TSC1: variants seen among roughly 807,000 people sequenced by gnomAD.
TSC1 encodes TSC complex subunit 1.
In TSC1, 20 loss-of-function variants were observed where a neutral mutation model predicts 124.3. The observed-to-expected ratio is 0.16, with a 90% CI of 0.11 to 0.23. The LOEUF (loss-of-function observed/expected upper bound fraction) is 0.23, where lower values mean the gene tolerates loss of function less well. TSC1 is among the 10% of genes least tolerant of loss of function. The probability of loss-of-function intolerance (pLI) is 1.00; values close to 1 mark genes in which losing one functional copy is unlikely to be tolerated. For missense variants in TSC1, 1,124 were observed against 1,448.5 expected, an observed-to-expected ratio of 0.78 and a Z score of 3.64; for synonymous variants, 493 against 539.1, an observed-to-expected ratio of 0.91 and a Z score of 1.19.
chr9:132,925,532 T>C (rs1020706835), intron 5 of TSC1, 55 bp downstream of exon 5: 2 of 1,610,236 alleles, frequency 1.2e-6, no homozygotes, highest in East Asian at 4.5e-5. Flanking sequence ...TTGCCTAAAA[T>C]TTCAGAAACT....
chr9:132,912,748 A>G (rs1255337772), intron 8 of TSC1: 8 of 417,666 alleles, frequency 1.9e-5, no homozygotes, highest in Non-Finnish European at 3.6e-5. Context: ...AACATAAGCT[A>G]TGCAGCAGAG....
At position 132,897,717 on chromosome 9, in the gene TSC1, A is replaced by C. The variant is rs1051295591; in HGVS notation, c.2626-107T>G. 6 of 1,430,590 alleles carry C rather than the reference A, an allele frequency of 4.2e-6. No individual in the cohort carries two copies. In the African/African-American group the frequency reaches 8.7e-5, roughly 21 times the overall value. The allele number at this position is 1,430,590 out of a possible 1,614,324, so 88.6% of individuals were successfully genotyped here. ...AGAAGGACTGAGAAGGCATTTTAGT[A>C]TACTGATAACAGAAATATAAACTAG... On this transcript the variant is annotated intron_variant, in intron 20 of 22. Transcript: ENST00000298552.
intron 8 of TSC1, among the ~76,000 whole-genome samples, chr9:132,918,697 G>T (rs1474563344): frequency 6.6e-6 from 1 of 152,050 alleles, no homozygotes; most frequent in Non-Finnish European, 1.5e-5. Flanking sequence ...CTGAAAATCA[G>T]AAGACTACTT....
intron 1 of TSC1, among the ~76,000 whole-genome samples, chr9:132,937,177 C>T (rs1223156764): frequency 2.0e-5 from 3 of 152,242 alleles, no homozygotes. Flanking sequence ...GGTGTGGTGG[C>T]TCACGCCTGT....
intron 20 of TSC1, chr9:132,900,424 C>A: frequency 2.4e-6 from 1 of 424,130 alleles, no homozygotes. Flanking sequence ...TTTCTCTCTC[C>A]CTCTTTGAAA....
At chr9:132,898,927 T>C (rs991980500) in intron 20 of TSC1, 2 of 152,392 alleles carry the variant, frequency 1.3e-5, no homozygotes, top group Admixed American at 6.6e-5. Flanking sequence ...AGGTTTTCTT[T>C]TCCTTTTCTT....
At chr9:132,905,214 G>C (rs1845588824) in intron 15 of TSC1, among the ~76,000 whole-genome samples, 1 of 152,106 alleles carries the variant, frequency 6.6e-6, no homozygotes, top group South Asian at 2.1e-4. Flanking sequence ...GCTAGAGAGG[G>C]AAACACTGTG....
rs767597031 is a variant in TSC1 at position 132,903,154 on chromosome 9, C to T, written c.2209-367G>A. On this transcript the variant is annotated intron_variant, in intron 17 of 22. Coordinates refer to ENST00000298552, the MANE Select transcript of TSC1 (RefSeq NM_000368.5). The surrounding 1 kb of genome is among the most constrained non-coding windows in gnomAD (Gnocchi z 5.9). Reference sequence around the variant, plus strand: ...TGCTGGGCGCTCAGCAAGGGCTTACCGACATAATTTCTTTTAACCATCACA... The same window carrying T: ...TGCTGGGCGCTCAGCAAGGGCTTACTGACATAATTTCTTTTAACCATCACA... Among the ~76,000 whole-genome samples the T allele has an allele frequency of 2.0e-5, 3 of 152,124 alleles. No homozygotes were observed. The highest frequency in any genetic ancestry group is 2.9e-5 in the Non-Finnish European group (2 of 68,006).
In TSC1 at chr9:132,896,683, C is replaced by T. The variant is rs1313165721; in HGVS notation, c.3047G>A (p.Gly1016Asp). 2.5e-6 allele frequency: 4 copies of T among 1,613,894 alleles called. No homozygotes were observed. Among genetic ancestry groups the T allele is most frequent in the Middle Eastern group, 3.3e-4 (2 of 6,084 alleles). The change falls in exon 23 of 23, where the codon GGT becomes GAT. Residue 1016 changes from glycine (G) to aspartate (D), a missense_variant. Physicochemically the swap from Gly to Asp is moderately conservative, Grantham distance 94. This residue lies in a region of TSC1 where 325 missense variants were observed against 383.4 expected (regional missense o/e 0.85). Coordinates refer to ENST00000298552, the MANE Select transcript of TSC1 (RefSeq NM_000368.5). The surrounding 1 kb of genome is among the most constrained non-coding windows in gnomAD (Gnocchi z 4.5). Reference sequence around the variant, plus strand: ...GCTGGGCCTGGGGGTCTTGGTCTCACCGTTGTGGCCAGATGCCTCTTCATT... The same window carrying T: ...GCTGGGCCTGGGGGTCTTGGTCTCATCGTTGTGGCCAGATGCCTCTTCATT... Reference protein sequence around the residue: ...GHNEEASGHNGETKTPRPSSA... With the variant: ...GHNEEASGHNDETKTPRPSSA...
chr9:132,911,912 C>T lies in TSC1; in HGVS notation c.914-344G>A, dbSNP rs544144830. ...ATATGAATCCAATTCTAAATTGTTCCGACTCATTCAAACTGTGTCAGTGCT... is the reference window on the plus strand; with the variant it reads ...ATATGAATCCAATTCTAAATTGTTCTGACTCATTCAAACTGTGTCAGTGCT... On this transcript the variant is annotated intron_variant, in intron 9 of 22. Transcript: ENST00000298552. Among the ~76,000 whole-genome samples, 7 of 152,254 alleles carry T rather than the reference C, an allele frequency of 4.6e-5. No homozygotes were observed. The East Asian group carries it at 5.8e-4, about 13-fold the overall frequency.
Position 132,903,741 on chromosome 9 carries a change from A to G in TSC1, c.2118T>C (p.Arg706=), listed in dbSNP as rs2131766639. Residue 706 remains arginine (R), a synonymous_variant, in exon 17 of 23, where the codon CGT becomes CGC. Transcript: ENST00000298552. This position sits in a 1 kb window ranked among gnomAD's most constrained non-coding sequence, Gnocchi z 5.9. ...LLLHNQLLYE[R]FKRQQHALRN... ...GGAGGGCATGCTGCTGCCTCTTAAA[A>G]CGCTCATAGAGTAACTGGTTGTGCA... 1.2e-6 allele frequency: 2 copies of G among 1,612,554 alleles called. No individual in the cohort carries two copies. The highest frequency in any genetic ancestry group is 1.7e-6 in the Non-Finnish European group (2 of 1,179,866).
At chr9:132,914,332 A>C (rs1266520115) in intron 8 of TSC1, among the ~76,000 whole-genome samples, 1 of 152,218 alleles carries the variant, frequency 6.6e-6, no homozygotes, top group Non-Finnish European at 1.5e-5. Flanking sequence ...GAAGAAAGGA[A>C]ATAACCCAAA....
rs1474530013 is a variant in TSC1 at position 132,911,011 on chromosome 9, C to T, written c.1132G>A (p.Gly378Ser). The part of the protein sequence containing the change: ...DLSHPYSKVF[G>S]TTAGGKGTPL... Reference sequence around the variant, plus strand: ...CCTAAGACATACATACCAGTTGTACCAAAGACTTTACTGTAAGGGTGTGAC... The same window carrying T: ...CCTAAGACATACATACCAGTTGTACTAAAGACTTTACTGTAAGGGTGTGAC... Residue 378 changes from glycine (G) to serine (S), a missense_variant, in exon 11 of 23, where the codon GGT (glycine) becomes AGT (serine). Physicochemically the swap from Gly to Ser is moderately conservative, Grantham distance 56. This residue lies in a region of TSC1 where 463 missense variants were observed against 606.8 expected (regional missense o/e 0.76). Coordinates refer to ENST00000298552, the MANE Select transcript of TSC1 (RefSeq NM_000368.5). The T allele has an allele frequency of 6.2e-7, 1 of 1,613,890 alleles. No individual in the cohort carries two copies. Among genetic ancestry groups the T allele is most frequent in the African/African-American group, 1.3e-5 (1 of 74,892 alleles).
Position 132,897,305 on chromosome 9 carries a change from T to C in TSC1, c.2854A>G (p.Lys952Glu). ...QAAESRYEAQ[K>E]RITQVFELEI... ...AATTCAAACACCTGGGTTATCCTTT[T>C]CTGAGCCTCATACCTGCTCTCTGCG... The change falls in exon 22 of 23, where the codon AAA (lysine) becomes GAA (glutamate). Residue 952 changes from lysine to glutamate, a missense_variant. Physicochemically the swap from Lys to Glu is moderately conservative, Grantham distance 56. Coordinates refer to ENST00000298552, the MANE Select transcript of TSC1 (RefSeq NM_000368.5). 1.2e-6 allele frequency: 2 copies of C among 1,614,256 alleles called. No homozygotes were observed. Among genetic ancestry groups the C allele is most frequent in the South Asian group, 2.2e-5 (2 of 91,092 alleles).
chr9:132,917,658 T>C (rs1220605488), intron 8 of TSC1, among the ~76,000 whole-genome samples: 2 of 152,178 alleles, frequency 1.3e-5, no homozygotes, highest in African/African-American at 2.4e-5. Context: ...TTTTTTTTAA[T>C]TGGATGCTGG....
intron 3 of TSC1, 38 bp downstream of exon 3, chr9:132,928,729 T>C (rs754153815): frequency 1.2e-6 from 2 of 1,611,560 alleles, no homozygotes; most frequent in Non-Finnish European, 1.7e-6. Context: ...ATCTCTTCTT[T>C]CTAGAAGATA....
At position 132,895,747 on chromosome 9, in the gene TSC1, A is replaced by T. The variant is rs1844999555; in HGVS notation, c.*488T>A. ...AGTCTCATGTAAACGCTTTCATGTA[A>T]AGACAACCAGCTTTGCAGGCTATGT... On this transcript the variant is annotated 3_prime_UTR_variant, in exon 23 of 23. Coordinates refer to ENST00000298552, the MANE Select transcript of TSC1 (RefSeq NM_000368.5). 4.0e-6 allele frequency: 1 copy of T among 249,184 alleles called. No individual in the cohort carries two copies. The highest frequency in any genetic ancestry group is 2.2e-5 in the African/African-American group (1 of 45,664). The allele number at this position is 249,184 out of a possible 1,614,324, so 15.4% of individuals were successfully genotyped here. A position where few individuals can be genotyped will look rare whatever the true frequency, so the allele number is the denominator to read the frequency against.
intron 15 of TSC1, 123 bp downstream of exon 15, chr9:132,905,458 A>G: frequency 7.3e-7 from 1 of 1,375,414 alleles, no homozygotes; most frequent in South Asian, 1.2e-5. Context: ...TCTGACAAAC[A>G]GCAGAGAACC....
chr9:132,937,941 C>T (rs2132435042), intron 1 of TSC1, among the ~76,000 whole-genome samples: 1 of 152,314 alleles, frequency 6.6e-6, no homozygotes, highest in Admixed American at 6.5e-5. Flanking sequence ...GTCTAGAACT[C>T]CTGGACTCAA....
Sources: gnomAD v4.1 joint callset for allele counts (sites outside exome capture counted in the v4.1 genomes callset) on GRCh38, gnomAD v4.1.1 for gene constraint, gnomAD v4.1.1 regional missense constraint, Gnocchi (gnomAD v3.1) non-coding constraint, MANE v1.5 for transcripts, NCBI Gene and HGNC (gene_info 2026-07-23, HGNC 2026-07-21) for gene names.